ROBO2: variants seen among roughly 807,000 people sequenced by gnomAD.
The protein encoded by ROBO2 is roundabout homolog 2.
ROBO2 carries 53 observed loss-of-function variants against 160.8 expected under a neutral mutation model. That is an observed-to-expected ratio of 0.33 (90% confidence interval 0.26 to 0.41). ROBO2 has a LOEUF of 0.41. ROBO2 is among the 10% of genes least tolerant of loss of function. ROBO2 has a pLI of 1.00. For synonymous variants in ROBO2, 664 were observed against 611.7 expected, an observed-to-expected ratio of 1.09 and a Z score of -1.26; for missense variants, 1,577 against 1,722.4, an observed-to-expected ratio of 0.92 and a Z score of 1.49.
intron 2 of ROBO2, among the ~76,000 whole-genome samples, chr3:76,163,467 A>C (rs2072713800): frequency 6.7e-6 from 1 of 149,828 alleles, no homozygotes; most frequent in Non-Finnish European, 1.5e-5. Context: ...TATGCAATTG[A>C]CATATATTGT....
chr3:75,986,326 C>A (rs530936876), intron 2 of ROBO2, among the ~76,000 whole-genome samples: 22 of 151,560 alleles, frequency 1.5e-4, no homozygotes, highest in African/African-American at 4.8e-4. Context: ...ACTTATTGAC[C>A]ATTTCTATTA....
intron 23 of ROBO2, among the ~76,000 whole-genome samples, chr3:77,626,318 T>C (rs1423805357): frequency 6.6e-6 from 1 of 152,228 alleles, no homozygotes; most frequent in Non-Finnish European, 1.5e-5. Flanking sequence ...TTCAGTTCTA[T>C]GTTTATTTAA....
intron 2 of ROBO2, among the ~76,000 whole-genome samples, chr3:76,105,277 G>A (rs2069873104): frequency 6.6e-6 from 1 of 151,670 alleles, no homozygotes; most frequent in Non-Finnish European, 1.5e-5. Context: ...CAACAGCAGA[G>A]GAAACAGAAT....
chr3:75,970,009 T>C (rs558673160), intron 2 of ROBO2, among the ~76,000 whole-genome samples: 1 of 151,704 alleles, frequency 6.6e-6, no homozygotes, highest in Non-Finnish European at 1.5e-5. Flanking sequence ...GGGAGTTTTA[T>C]AGTTTCAGGT....
At position 76,225,668 on chromosome 3, in the gene ROBO2, C is replaced by T. The variant is rs2324491; in HGVS notation, c.109+288066C>T. ...GGTGGAGGTTGCAGTAAGCCAAGAT[C>T]GCACCACTGCACTTCAACCTGGATG... On this transcript the variant is annotated intron_variant, in intron 2 of 26. Transcript: ENST00000487694. Among the ~76,000 whole-genome samples, 537 of 152,098 alleles carry T rather than the reference C, an allele frequency of 3.5e-3. 7 individuals carry two copies. Among genetic ancestry groups the T allele is most frequent in the Admixed American group, 0.025 (379 of 15,268 alleles).
At chr3:76,860,348 A>G (rs1255232274) in intron 2 of ROBO2, among the ~76,000 whole-genome samples, 3 of 152,222 alleles carry the variant, frequency 2.0e-5, no homozygotes, top group African/African-American at 7.2e-5. Flanking sequence ...CATTTTACAA[A>G]TAAGAAAATT....
intron 2 of ROBO2, among the ~76,000 whole-genome samples, chr3:76,912,569 T>C (rs1237483162): frequency 6.6e-6 from 1 of 152,202 alleles, no homozygotes; most frequent in Admixed American, 6.5e-5. Context: ...TTAGATGTTC[T>C]TACAATTTTT....
chr3:76,474,432 A>C (rs2078824233), intron 2 of ROBO2, among the ~76,000 whole-genome samples: 1 of 152,140 alleles, frequency 6.6e-6, no homozygotes, highest in Non-Finnish European at 1.5e-5. Context: ...AGAATAAGAC[A>C]GCATAGATCA....
At chr3:76,669,568 C>T (rs1385405586) in intron 2 of ROBO2, among the ~76,000 whole-genome samples, 1 of 152,062 alleles carries the variant, frequency 6.6e-6, no homozygotes, top group Non-Finnish European at 1.5e-5. Context: ...ACCCTGCCTG[C>T]CCCCTTCCTT....
intron 12 of ROBO2, among the ~76,000 whole-genome samples, chr3:77,566,786 A>G (rs1013528257): frequency 1.3e-5 from 2 of 152,062 alleles, no homozygotes; most frequent in African/African-American, 4.8e-5. Flanking sequence ...CAAATACTTA[A>G]TAGGAAAACC....
intron 2 of ROBO2, among the ~76,000 whole-genome samples, chr3:76,096,907 A>T (rs984001496): frequency 1.2e-4 from 19 of 152,204 alleles, no homozygotes; most frequent in African/African-American, 4.6e-4. Flanking sequence ...AGAAACATGC[A>T]TTGGAAAAAT....
At chr3:77,493,652 T>C (rs1340911154) in intron 5 of ROBO2, among the ~76,000 whole-genome samples, 1 of 152,158 alleles carries the variant, frequency 6.6e-6, no homozygotes, top group Non-Finnish European at 1.5e-5. Flanking sequence ...GGTGCCTTCT[T>C]TCCCCTGGAC....
intron 2 of ROBO2, among the ~76,000 whole-genome samples, chr3:76,973,412 G>C (rs2059664498): frequency 6.6e-6 from 1 of 151,716 alleles, no homozygotes; most frequent in South Asian, 2.1e-4. Context: ...CTTTGATAAA[G>C]GAAATCATTA....
intron 2 of ROBO2, among the ~76,000 whole-genome samples, chr3:77,170,590 A>T (rs1173517709): frequency 6.6e-6 from 1 of 152,070 alleles, no homozygotes; most frequent in Admixed American, 6.5e-5. Flanking sequence ...ACTTTATTGG[A>T]GAAACATATG....
chr3:77,611,791 G>A (rs1049678967), intron 21 of ROBO2, among the ~76,000 whole-genome samples: 10 of 152,100 alleles, frequency 6.6e-5, no homozygotes, highest in Admixed American at 5.9e-4. Flanking sequence ...TAACAATGAT[G>A]GCAATGTTTT....
intron 2 of ROBO2, among the ~76,000 whole-genome samples, chr3:75,991,495 C>T (rs1030597904): frequency 2.0e-5 from 3 of 152,162 alleles, no homozygotes; most frequent in Admixed American, 1.3e-4. Context: ...AAGTGATCTT[C>T]TCCTCCTTGC....
intron 2 of ROBO2, among the ~76,000 whole-genome samples, chr3:76,696,458 G>T (rs547816855): frequency 6.6e-6 from 1 of 151,832 alleles, no homozygotes; most frequent in South Asian, 2.1e-4. Flanking sequence ...CCCAAAGGGG[G>T]TTGCCATTGC....
chr3:76,815,966 T>G (rs2065632451), intron 2 of ROBO2, among the ~76,000 whole-genome samples: 2 of 152,138 alleles, frequency 1.3e-5, no homozygotes, highest in Non-Finnish European at 2.9e-5. Context: ...AGCTTGTAGC[T>G]TTTCTCATTT....
chr3:76,877,203 C>A (rs1352359962), intron 2 of ROBO2, among the ~76,000 whole-genome samples: 1 of 152,120 alleles, frequency 6.6e-6, no homozygotes, highest in East Asian at 1.9e-4. Context: ...AAGATTATAA[C>A]ATTTCTCTGC....
Sources: allele counts gnomAD v4.1 joint callset (sites outside exome capture counted in the v4.1 genomes callset), GRCh38; gene constraint gnomAD v4.1.1; transcripts MANE v1.5; gene names NCBI Gene and HGNC (gene_info 2026-07-23, HGNC 2026-07-21).